The following HIVEP3 variants were observed in gnomAD, a reference collection of about 807,000 sequenced individuals.
HIVEP3 encodes HIVEP zinc finger 3.
Under a neutral mutation model 152.8 loss-of-function variants are expected in HIVEP3, and 49 were observed. The ratio of observed to expected loss-of-function variants is 0.32; its 90% CI spans 0.26 to 0.41. The LOEUF is 0.41. Ranked by LOEUF, HIVEP3 falls within the 10% of genes least tolerant of loss-of-function variation. The pLI is 1.00. For synonymous variants in HIVEP3, 1,269 were observed against 1,289.0 expected, an observed-to-expected ratio of 0.98 and a Z score of 0.33; for missense variants, 2,790 against 3,103.3, an observed-to-expected ratio of 0.90 and a Z score of 2.40.
intron 5 of HIVEP3, among the ~76,000 whole-genome samples, chr1:41,562,597 T>TCCTTTCTCTCTCTC (rs763245562): frequency 2.9e-5 from 1 of 34,262 alleles, no homozygotes; most frequent in East Asian, 3.4e-4. Context: ...CTTCCTTCCT[T>TCCTTTCTCTCTCTC]TCTTTCTCTC....
chr1:41,858,253 TTG>T (rs1207556853), intron 1 of HIVEP3, among the ~76,000 whole-genome samples: 5 of 152,200 alleles, frequency 3.3e-5, no homozygotes, highest in Non-Finnish European at 5.9e-5. Flanking sequence ...GACTGTTTCC[TTG>T]TCTGACTCTC....
intron 3 of HIVEP3, among the ~76,000 whole-genome samples, chr1:41,586,998 T>C (rs566649381): frequency 5.6e-4 from 85 of 152,226 alleles, no homozygotes; most frequent in African/African-American, 2.0e-3. Flanking sequence ...TAAGGACTTA[T>C]GGTGTTTCTA....
At position 41,664,673 on chromosome 1, in the gene HIVEP3, G is replaced by A. The variant is rs142474921; in HGVS notation, c.-720-35726C>T. On this transcript the variant is annotated intron_variant, in intron 2 of 8. Transcript: ENST00000372583. This position sits in a 1 kb window ranked among gnomAD's most constrained non-coding sequence, Gnocchi z 4.4. ...TCCTAAGACAAACTAACCAGAGGACGGGGGAGAATTTACCCAACCCAGAAC... is the reference window on the plus strand; with the variant it reads ...TCCTAAGACAAACTAACCAGAGGACAGGGGAGAATTTACCCAACCCAGAAC... 5.7e-3 allele frequency among the ~76,000 whole-genome samples: 874 copies of A among 152,286 alleles called. 7 individuals carry two copies. The highest frequency in any genetic ancestry group is 0.014 in the Middle Eastern group (4 of 294).
Position 41,606,508 on chromosome 1 carries a change from T to A in HIVEP3, c.-521-21190A>T, listed in dbSNP as rs553009928. Among the ~76,000 whole-genome samples the A allele has an allele frequency of 3.6e-4, 55 of 152,104 alleles. 1 individual carries two copies. Among genetic ancestry groups the A allele is most frequent in the African/African-American group, 1.3e-3 (55 of 41,350 alleles). On this transcript the variant is annotated intron_variant, in intron 3 of 8. Coordinates refer to ENST00000372583, the MANE Select transcript of HIVEP3 (RefSeq NM_024503.5). ...AAGATATCATTGCCTGCGAAGCCACTCAGTATGAATGGACCCATGAGAAAG... is the reference window on the plus strand; with the variant it reads ...AAGATATCATTGCCTGCGAAGCCACACAGTATGAATGGACCCATGAGAAAG...
In HIVEP3 at chr1:41,518,318, G is replaced by C. The variant is rs568638621; in HGVS notation, c.5470+84C>G. On this transcript the variant is annotated intron_variant, in intron 7 of 8. Coordinates refer to ENST00000372583, the MANE Select transcript of HIVEP3 (RefSeq NM_024503.5). ...ATGGGGCAAAGCAGACAGAAAGGAAGCAGGGAAGGCAAGCAGGAAAGGTGG... is the reference window on the plus strand; with the variant it reads ...ATGGGGCAAAGCAGACAGAAAGGAACCAGGGAAGGCAAGCAGGAAAGGTGG... The C allele has an allele frequency of 2.3e-5, 26 of 1,146,428 alleles. No homozygotes were observed. In the African/African-American group the frequency reaches 3.6e-4, roughly 16 times the overall value. The allele number at this position is 1,146,428 out of a possible 1,614,324, so 71.0% of individuals were successfully genotyped here.
intron 1 of HIVEP3, among the ~76,000 whole-genome samples, chr1:41,999,640 G>T (rs1645415750): frequency 6.6e-6 from 1 of 152,158 alleles, no homozygotes; most frequent in African/African-American, 2.4e-5. Context: ...GAAGGGAAAG[G>T]ATCTGAGCAG....
At chr1:42,020,545 C>T (rs578233270) in intron 1 of HIVEP3, among the ~76,000 whole-genome samples, 5 of 152,236 alleles carry the variant, frequency 3.3e-5, no homozygotes, top group African/African-American at 1.2e-4. Context: ...CCTAAAATGT[C>T]TAACTAGTTT....
At chr1:42,012,883 T>C (rs113179064) in intron 1 of HIVEP3, among the ~76,000 whole-genome samples, 14 of 152,310 alleles carry the variant, frequency 9.2e-5, no homozygotes, top group African/African-American at 3.1e-4. Flanking sequence ...ACCCACCCAG[T>C]CTATGCTACT....
intron 1 of HIVEP3, among the ~76,000 whole-genome samples, chr1:41,950,804 C>G (rs1440718323): frequency 6.6e-6 from 1 of 152,250 alleles, no homozygotes; most frequent in East Asian, 1.9e-4. Context: ...AACTTAAAGA[C>G]TATTGATTTA....
rs1373457889 is a variant in HIVEP3, at chr1:41,545,623, TCAC to T, written c.5208-20716_5208-20714del. Reference sequence around the variant, plus strand: ...ACCACCACCATCACCACCACTACCATCACCACCACCATCACCACCATCACCACC... The same window carrying T: ...ACCACCACCATCACCACCACTACCATCACCACCATCACCACCATCACCACC... On this transcript the variant is annotated intron_variant, in intron 5 of 8. Transcript: ENST00000372583. Among the ~76,000 whole-genome samples, 20 of 25,134 alleles carry T rather than the reference TCAC, an allele frequency of 8.0e-4. 1 individual carries two copies. Among genetic ancestry groups the T allele is most frequent in the African/African-American group, 2.9e-3 (17 of 5,796 alleles). 16.5% of individuals were successfully genotyped at this position (25,134 alleles called of 152,430 possible).
chr1:41,653,885 C>T lies in HIVEP3; in HGVS notation c.-720-24938G>A, dbSNP rs1221400105. 2.7e-5 allele frequency among the ~76,000 whole-genome samples: 4 copies of T among 150,682 alleles called. No individual in the cohort carries two copies. The East Asian group carries it at 7.7e-4, about 29-fold the overall frequency. ...GAATGAGGCACTAAGCCTCAAAATC[C>T]CCTGGCCCCTGTTCTCTTTCATCCA... On this transcript the variant is annotated intron_variant, in intron 2 of 8. Transcript: ENST00000372583.
intron 1 of HIVEP3, among the ~76,000 whole-genome samples, chr1:41,856,655 T>C (rs1182860536): frequency 2.6e-5 from 4 of 152,196 alleles, no homozygotes; most frequent in Middle Eastern, 3.4e-3. Flanking sequence ...ACAGATGTCT[T>C]GAGGGAGGAA....
intron 1 of HIVEP3, among the ~76,000 whole-genome samples, chr1:41,994,670 G>C (rs1054517193): frequency 6.6e-6 from 1 of 152,130 alleles, no homozygotes; most frequent in African/African-American, 2.4e-5. Flanking sequence ...TGTTAAGCCT[G>C]CTGAACTGTG....
At position 41,543,611 on chromosome 1, in the gene HIVEP3, T is replaced by C. The variant is rs188660441; in HGVS notation, c.5208-18701A>G. 18 of 152,360 alleles carry C rather than the reference T, an allele frequency of 1.2e-4. No homozygotes were observed. In the East Asian group the frequency reaches 3.1e-3, roughly 26 times the overall value. 9.4% of individuals were successfully genotyped at this position (152,360 alleles called of 1,614,324 possible). ...GCCTCATAGCTCCAGGGGGTGAGCA[T>C]AGACCCCTCAACACCTGGGGGCTCC... is the stretch of plus-strand genomic sequence containing the variant. On this transcript the variant is annotated intron_variant, in intron 5 of 8. Transcript: ENST00000372583.
At chr1:41,963,117 T>C (rs1450432263) in intron 1 of HIVEP3, among the ~76,000 whole-genome samples, 1 of 152,032 alleles carries the variant, frequency 6.6e-6, no homozygotes, top group East Asian at 1.9e-4. Flanking sequence ...GTTCATGCCA[T>C]TCTCCTGCCT....
chr1:41,730,452 G>A (rs1646822183), intron 1 of HIVEP3, among the ~76,000 whole-genome samples: 1 of 152,300 alleles, frequency 6.6e-6, no homozygotes, highest in African/African-American at 2.4e-5. Context: ...GCCCCACCCT[G>A]CTCCAGATGC....
intron 2 of HIVEP3, among the ~76,000 whole-genome samples, chr1:41,630,287 A>G (rs1645175684): frequency 6.6e-6 from 1 of 152,142 alleles, no homozygotes; most frequent in Admixed American, 6.5e-5. Flanking sequence ...TGGGGGAGAG[A>G]GAGGGAGGGA....
intron 1 of HIVEP3, among the ~76,000 whole-genome samples, chr1:41,977,405 C>T (rs796500179): frequency 6.6e-6 from 1 of 152,088 alleles, no homozygotes; most frequent in African/African-American, 2.4e-5. Context: ...CCCCACGCTC[C>T]CCCACTCCCC....
intron 3 of HIVEP3, among the ~76,000 whole-genome samples, chr1:41,628,324 A>G (rs1645146328): frequency 6.6e-6 from 1 of 152,206 alleles, no homozygotes; most frequent in East Asian, 1.9e-4. Context: ...TTGGGTGGGC[A>G]GTGGTGGTCT....
Sources: gnomAD v4.1 joint callset for allele counts (sites outside exome capture counted in the v4.1 genomes callset) on GRCh38, gnomAD v4.1.1 for gene constraint, Gnocchi (gnomAD v3.1) non-coding constraint, MANE v1.5 for transcripts, NCBI Gene and HGNC (gene_info 2026-07-23, HGNC 2026-07-21) for gene names.